The following PC variants were observed in gnomAD, a reference collection of about 807,000 sequenced individuals.
The protein encoded by PC is pyruvate carboxylase.
A neutral mutation model predicts 107.8 loss-of-function variants in PC; 46 were observed. The observed-to-expected ratio is 0.43, with a 90% CI of 0.34 to 0.55. The LOEUF (loss-of-function observed/expected upper bound fraction) is 0.55. PC is among the 20% of genes least tolerant of loss of function. The probability of loss-of-function intolerance (pLI) is 0.04; values close to 1 mark genes in which losing one functional copy is unlikely to be tolerated. For synonymous variants in PC, 662 were observed against 684.7 expected, an observed-to-expected ratio of 0.97 and a Z score of 0.52; for missense variants, 1,241 against 1,643.1, an observed-to-expected ratio of 0.76 and a Z score of 4.23.
At chr11:66,914,888 G>T (rs1264773203) in intron 3 of PC, among the ~76,000 whole-genome samples, 1 of 152,106 alleles carries the variant, frequency 6.6e-6, no homozygotes, top group African/African-American at 2.4e-5. Context: ...AAATTAGCTG[G>T]GTGTGGTGGT....
rs546728604 is a variant in PC, at chr11:66,946,260, G to A, written c.-1+6170C>T. 2.3e-3 allele frequency among the ~76,000 whole-genome samples: 349 copies of A among 152,240 alleles called. 2 individuals are homozygous for A. Among genetic ancestry groups the A allele is most frequent in the African/African-American group, 8.1e-3 (335 of 41,546 alleles). ...ATCTGTAACCACATGATTTTGGGAG[G>A]CTGAGGCAGGTGGATCGCATGATAG... On this transcript the variant is annotated intron_variant, in intron 3 of 22. Coordinates refer to ENST00000393960, the MANE Select transcript of PC (RefSeq NM_001040716.2).
intron 3 of PC, among the ~76,000 whole-genome samples, chr11:66,934,856 C>T (rs998502634): frequency 2.6e-5 from 4 of 152,264 alleles, no homozygotes; most frequent in Middle Eastern, 3.4e-3. Flanking sequence ...CCACCCGCCT[C>T]GGCCTCCCAA....
At chr11:66,873,549 T>C (rs1259455221) in intron 3 of PC, among the ~76,000 whole-genome samples, 15 of 104,150 alleles carry the variant, frequency 1.4e-4, no homozygotes, top group Non-Finnish European at 2.5e-4. Context: ...ATATATAATA[T>C]TATAATATTA....
chr11:66,887,922 G>A (rs548095641), intron 3 of PC, among the ~76,000 whole-genome samples: 6 of 152,344 alleles, frequency 3.9e-5, no homozygotes, highest in South Asian at 4.1e-4. Context: ...AATCCCTCCC[G>A]AGTCTTTTCC....
Position 66,858,640 on chromosome 11 carries a change from C to T in PC, c.1368+5134G>A, listed in dbSNP as rs766244836. The T allele has an allele frequency of 6.5e-6, 10 of 1,538,778 alleles. No individual in the cohort carries two copies. The highest frequency in any genetic ancestry group is 2.4e-5 in the East Asian group (1 of 40,832). ...TGGGTGCTGGAAGGCCAGCGGGCCACGCTGCGGTGCCGGGCCCTGGGTGAC... is the reference window on the plus strand; with the variant it reads ...TGGGTGCTGGAAGGCCAGCGGGCCATGCTGCGGTGCCGGGCCCTGGGTGAC... On this transcript the variant is annotated intron_variant, in intron 12 of 22. Transcript: ENST00000393960. The surrounding 1 kb of genome is among the most constrained non-coding windows in gnomAD (Gnocchi z 5.9).
Position 66,852,950 on chromosome 11 carries a change from C to T in PC, c.1514-114G>A. 1.2e-6 allele frequency: 1 copy of T among 866,160 alleles called. No individual in the cohort carries two copies. Among genetic ancestry groups the T allele is most frequent in the South Asian group, 1.8e-5 (1 of 56,806 alleles). 53.7% of individuals were successfully genotyped at this position (866,160 alleles called of 1,614,324 possible). ...GACACATCCCTCCAGGATCCCCGGG[C>T]TTCCAGCTGGCCCCTGTCCTCTCCA... is the stretch of plus-strand genomic sequence containing the variant. On this transcript the variant is annotated intron_variant, in intron 13 of 22. Coordinates refer to ENST00000393960, the MANE Select transcript of PC (RefSeq NM_001040716.2). The surrounding 1 kb of genome is among the most constrained non-coding windows in gnomAD (Gnocchi z 4.7).
At chr11:66,914,731 G>A (rs1157382423) in intron 3 of PC, among the ~76,000 whole-genome samples, 1 of 152,102 alleles carries the variant, frequency 6.6e-6, no homozygotes, top group Non-Finnish European at 1.5e-5. Context: ...ACACTACCAG[G>A]GACTGTTTAG....
intron 12 of PC, chr11:66,860,819 CG>C: frequency 1.5e-6 from 1 of 674,070 alleles, no homozygotes; most frequent in Non-Finnish European, 2.7e-6. Context: ...TCAGGGTCTG[CG>C]GGGCGGACAC....
At position 66,858,333 on chromosome 11, in the gene PC, C is replaced by T. The variant is rs1946001661; in HGVS notation, c.1369-4950G>A. 8 of 1,606,010 alleles carry T rather than the reference C, an allele frequency of 5.0e-6. No individual in the cohort carries two copies. The highest frequency in any genetic ancestry group is 4.4e-5 in the South Asian group (4 of 90,748). On this transcript the variant is annotated intron_variant, in intron 12 of 22. Coordinates refer to ENST00000393960, the MANE Select transcript of PC (RefSeq NM_001040716.2). The surrounding 1 kb of genome is among the most constrained non-coding windows in gnomAD (Gnocchi z 5.9). The stretch of plus-strand genomic sequence containing the variant: ...CTTCGCCCAGCTCGGTCAGCTCTCC[C>T]GCCTGGACCTCACCTCCAACCGCCT...
intron 3 of PC, among the ~76,000 whole-genome samples, chr11:66,888,650 G>A (rs964947325): frequency 6.6e-6 from 1 of 152,202 alleles, no homozygotes; most frequent in East Asian, 1.9e-4. Flanking sequence ...TGGTGTCTCC[G>A]AAAGAATGAA....
At chr11:66,860,074 A>ATGCCGGGTGCTACGGTTT in intron 12 of PC, 1 of 1,559,210 alleles carries the variant, frequency 6.4e-7, no homozygotes, top group Middle Eastern at 1.7e-4. Flanking sequence ...TGCTACGGTT[A>ATGCCGGGTGCTACGGTTT]TGCCAGGCGC....
intron 1 of PC, among the ~76,000 whole-genome samples, chr11:66,956,042 G>A (rs1949553678): frequency 6.6e-6 from 1 of 152,002 alleles, no homozygotes; most frequent in Non-Finnish European, 1.5e-5. Flanking sequence ...CAAAGTGCTG[G>A]GATTACAGGC....
At position 66,863,908 on chromosome 11, in the gene PC, C is replaced by T. The variant is rs773645433; in HGVS notation, c.1234G>A (p.Ala412Thr). 4.3e-6 allele frequency: 7 copies of T among 1,613,930 alleles called. No individual in the cohort carries two copies. In the East Asian group the frequency reaches 6.7e-5, roughly 15 times the overall value. Reference sequence around the variant, plus strand: ...GGCGAGATGACGGCTCCTTGGAAGGCGGAAGCATTATCCAGGCGGATGCCC... The same window carrying T: ...GGCGAGATGACGGCTCCTTGGAAGGTGGAAGCATTATCCAGGCGGATGCCC... Reference protein sequence around the residue: ...GMGIRLDNASAFQGAVISPHY... With the variant: ...GMGIRLDNASTFQGAVISPHY... Residue 412 changes from alanine (A) to threonine (T), a missense_variant, in exon 12 of 23, where the codon GCC (alanine) becomes ACC (threonine). By Grantham distance (58) the Ala-to-Thr change is moderately conservative. This residue lies in a region of PC where 1,143 missense variants were observed against 1,551.9 expected (regional missense o/e 0.74). Coordinates refer to ENST00000393960, the MANE Select transcript of PC (RefSeq NM_001040716.2).
rs372546219 is a variant in PC, at chr11:66,877,343, GCC to G, written c.1-5186_1-5185del. ...GGAAGTTGCAGTGAGCCGAGATCGC[GCC>G]ATTGCATTCCAGCCTGGGTGATAGA... On this transcript the variant is annotated intron_variant, in intron 3 of 22. Coordinates refer to ENST00000393960, the MANE Select transcript of PC (RefSeq NM_001040716.2). Among the ~76,000 whole-genome samples, 129 of 152,234 alleles carry G rather than the reference GCC, an allele frequency of 8.5e-4. 2 individuals carry two copies. The East Asian group carries it at 0.022, about 26-fold the overall frequency.
chr11:66,949,007 T>A lies in PC; in HGVS notation c.-1+3423A>T, dbSNP rs187666173. Among the ~76,000 whole-genome samples the A allele has an allele frequency of 2.5e-3, 385 of 151,266 alleles. 2 individuals are homozygous for A. Among genetic ancestry groups the A allele is most frequent in the African/African-American group, 8.6e-3 (354 of 41,394 alleles). On this transcript the variant is annotated intron_variant, in intron 3 of 22. Coordinates refer to ENST00000393960, the MANE Select transcript of PC (RefSeq NM_001040716.2). Reference sequence around the variant, plus strand: ...ATTATTATTTATTATTATTATTATTTTTTTGAGATGGAGTCTTGCTGTGTC... The same window carrying A: ...ATTATTATTTATTATTATTATTATTATTTTGAGATGGAGTCTTGCTGTGTC...
intron 3 of PC, among the ~76,000 whole-genome samples, chr11:66,897,088 T>C (rs1947787571): frequency 6.6e-6 from 1 of 151,984 alleles, no homozygotes; most frequent in African/African-American, 2.4e-5. Context: ...CGCACCACCA[T>C]GCCTGGCTGA....
At chr11:66,873,950 GTTTCT>G (rs1246902999) in intron 3 of PC, among the ~76,000 whole-genome samples, 2 of 149,212 alleles carry the variant, frequency 1.3e-5, no homozygotes, top group Non-Finnish European at 3.0e-5. Flanking sequence ...TTTTTGTTTT[GTTTCT>G]TTTCTTTTTT....
intron 3 of PC, among the ~76,000 whole-genome samples, chr11:66,902,826 C>T (rs778647340): frequency 1.8e-4 from 28 of 152,238 alleles, no homozygotes; most frequent in Non-Finnish European, 3.2e-4. Flanking sequence ...CCAGCCAACC[C>T]CCAGCTGAGT....
chr11:66,853,456 A>G, intron 12 of PC, 73 bp from the exon 13 acceptor site: 3 of 1,577,328 alleles, frequency 1.9e-6, no homozygotes, highest in African/African-American at 1.3e-5. Context: ...AAAAGGCTGA[A>G]AGAGAAAAGG....
Sources: gnomAD v4.1 joint callset for allele counts (sites outside exome capture counted in the v4.1 genomes callset) on GRCh38, gnomAD v4.1.1 for gene constraint, gnomAD v4.1.1 regional missense constraint, Gnocchi (gnomAD v3.1) non-coding constraint, MANE v1.5 for transcripts, NCBI Gene and HGNC (gene_info 2026-07-23, HGNC 2026-07-21) for gene names.